The following LDLRAD4 variants were observed in gnomAD, a reference collection of about 807,000 sequenced individuals.
The protein encoded by LDLRAD4 is low-density lipoprotein receptor class A domain-containing protein 4.
A neutral mutation model predicts 17.0 loss-of-function variants in LDLRAD4; 5 were observed. The observed-to-expected ratio is 0.29, with a 90% confidence interval of 0.15 to 0.62. The LOEUF is 0.62. Ranked by LOEUF, LDLRAD4 falls within the 20% of genes least tolerant of loss-of-function variation. The pLI is 0.84. For synonymous variants in LDLRAD4, 168 were observed against 171.8 expected (o/e 0.98, Z 0.17); for missense variants, 340 against 424.7 (o/e 0.80, Z 1.75).
At chr18:13,308,913 G>A (rs1391620066) in intron 1 of LDLRAD4, among the ~76,000 whole-genome samples, 1 of 152,104 alleles carries the variant, frequency 6.6e-6, no homozygotes, top group Non-Finnish European at 1.5e-5. Context: ...TTCTTTTGTG[G>A]CTTCTGGATT....
At chr18:13,625,733 T>G (rs1204667511) in intron 4 of LDLRAD4, among the ~76,000 whole-genome samples, 1 of 8,740 alleles carries the variant, frequency 1.1e-4, no homozygotes, top group African/African-American at 4.6e-4. Flanking sequence ...AGCACCCTCC[T>G]CCCCCCACCA....
chr18:13,624,512 C>G (rs2040942293), intron 4 of LDLRAD4, among the ~76,000 whole-genome samples: 1 of 152,210 alleles, frequency 6.6e-6, no homozygotes, highest in Non-Finnish European at 1.5e-5. Context: ...CTGCCATTCT[C>G]TCCATCTTCC....
intron 3 of LDLRAD4, among the ~76,000 whole-genome samples, chr18:13,477,031 T>C (rs764105127): frequency 4.4e-4 from 67 of 152,220 alleles, no homozygotes; most frequent in Non-Finnish European, 7.1e-4. Context: ...TGTTTGAATT[T>C]GACCTCACAA....
chr18:13,531,371 A>C (rs2094123733), intron 3 of LDLRAD4, among the ~76,000 whole-genome samples: 1 of 151,514 alleles, frequency 6.6e-6, no homozygotes, highest in Admixed American at 6.6e-5. Context: ...GCACTTTGGG[A>C]GGCAAATGCA....
At chr18:13,606,086 T>G (rs2095221225) in intron 3 of LDLRAD4, among the ~76,000 whole-genome samples, 1 of 152,120 alleles carries the variant, frequency 6.6e-6, no homozygotes, top group Non-Finnish European at 1.5e-5. Context: ...AAGTAAGTAT[T>G]CTCAGCCTCA....
chr18:13,436,975 T>G (rs932406411), intron 2 of LDLRAD4, among the ~76,000 whole-genome samples: 9 of 152,270 alleles, frequency 5.9e-5, no homozygotes, highest in African/African-American at 1.9e-4. Flanking sequence ...TGAGGACTCT[T>G]AAGTTGTGTT....
intron 3 of LDLRAD4, among the ~76,000 whole-genome samples, chr18:13,517,775 G>T (rs1187911015): frequency 6.6e-6 from 1 of 152,110 alleles, no homozygotes; most frequent in Non-Finnish European, 1.5e-5. Context: ...GTCTCGCTCT[G>T]TCGCCCAGGC....
intron 3 of LDLRAD4, among the ~76,000 whole-genome samples, chr18:13,455,593 T>C (rs1224028949): frequency 6.6e-6 from 1 of 152,108 alleles, no homozygotes; most frequent in Non-Finnish European, 1.5e-5. Context: ...TCATTCCCTC[T>C]GATGAGCTGG....
chr18:13,329,368 A>G (rs151025847), intron 1 of LDLRAD4, among the ~76,000 whole-genome samples: 3 of 152,334 alleles, frequency 2.0e-5, no homozygotes, highest in African/African-American at 7.2e-5. Flanking sequence ...AAAAAAAGTA[A>G]TAGAGTTATT....
At chr18:13,473,639 A>T (rs970916613) in intron 3 of LDLRAD4, among the ~76,000 whole-genome samples, 26 of 32,698 alleles carry the variant, frequency 8.0e-4, no homozygotes, top group African/African-American at 3.1e-3. Flanking sequence ...CCCATCTCAT[A>T]TATATATATA....
chr18:13,365,626 A>G (rs551470499), intron 1 of LDLRAD4, among the ~76,000 whole-genome samples: 1 of 152,338 alleles, frequency 6.6e-6, no homozygotes, highest in South Asian at 2.1e-4. Flanking sequence ...CTAAGGCTAA[A>G]TTGACCTGAT....
At chr18:13,309,480 G>A (rs1191805994) in intron 1 of LDLRAD4, among the ~76,000 whole-genome samples, 1 of 152,186 alleles carries the variant, frequency 6.6e-6, no homozygotes, top group Non-Finnish European at 1.5e-5. Flanking sequence ...GTTTTTGTCT[G>A]TGTGAGTTTA....
At chr18:13,557,559 C>T (rs1288270209) in intron 3 of LDLRAD4, among the ~76,000 whole-genome samples, 1 of 152,182 alleles carries the variant, frequency 6.6e-6, no homozygotes, top group Non-Finnish European at 1.5e-5. Flanking sequence ...CGCTACCACA[C>T]CCGGCTAATT....
intron 1 of LDLRAD4, among the ~76,000 whole-genome samples, chr18:13,312,977 TGTGC>T (rs1022799983): frequency 6.6e-6 from 1 of 152,220 alleles, no homozygotes; most frequent in African/African-American, 2.4e-5. Context: ...CGGCTCTGTT[TGTGC>T]GTGCTTTCCA....
chr18:13,425,217 A>G (rs2089830212), intron 2 of LDLRAD4, among the ~76,000 whole-genome samples: 1 of 152,252 alleles, frequency 6.6e-6, no homozygotes, highest in Admixed American at 6.5e-5. Flanking sequence ...AAAGGTGGTA[A>G]GCCTTATAGG....
chr18:13,433,379 T>G (rs531469898), intron 2 of LDLRAD4, among the ~76,000 whole-genome samples: 2 of 152,348 alleles, frequency 1.3e-5, no homozygotes, highest in Non-Finnish European at 2.9e-5. Context: ...CAGAAATAAC[T>G]AATGTAGACT....
At chr18:13,544,879 G>A (rs1409254666) in intron 3 of LDLRAD4, among the ~76,000 whole-genome samples, 4 of 102,636 alleles carry the variant, frequency 3.9e-5, no homozygotes, top group African/African-American at 4.0e-5. Context: ...GCAGGTGATG[G>A]TTTGTCTTTT....
chr18:13,251,976 A>C (rs1026130015), intron 1 of LDLRAD4, among the ~76,000 whole-genome samples: 1 of 152,254 alleles, frequency 6.6e-6, no homozygotes, highest in African/African-American at 2.4e-5. Flanking sequence ...CATGACTAAA[A>C]GAAGCAAACT....
intron 3 of LDLRAD4, among the ~76,000 whole-genome samples, chr18:13,508,587 A>G (rs2093730442): frequency 6.6e-6 from 1 of 152,236 alleles, no homozygotes. Flanking sequence ...TGCTAAATCT[A>G]TGCTGCCTGT....
Sources: allele counts gnomAD v4.1 joint callset (sites outside exome capture counted in the v4.1 genomes callset), GRCh38; gene constraint gnomAD v4.1.1; transcripts MANE v1.5; gene names NCBI Gene and HGNC (gene_info 2026-07-23, HGNC 2026-07-21).